The following SOAT2 variants were observed in gnomAD, a reference collection of about 807,000 sequenced individuals.
The protein encoded by SOAT2 is sterol O-acyltransferase 2, also known as ACAT-2.
A neutral mutation model predicts 76.0 loss-of-function variants in SOAT2; 87 were observed. That is an observed-to-expected ratio of 1.14 (90% CI 0.96 to 1.37). SOAT2 has a LOEUF of 1.37. Among genes scored for constraint, SOAT2 ranks in the 40% most tolerant of loss-of-function variants. The pLI is 0.00. For synonymous variants in SOAT2, 285 were observed against 275.4 expected, an observed-to-expected ratio of 1.03 and a Z score of -0.34; for missense variants, 686 against 682.1, an observed-to-expected ratio of 1.01 and a Z score of -0.06.
chr12:53,118,468 G>T, intron 8 of SOAT2, 34 bp downstream of exon 8: 3 of 1,525,622 alleles, frequency 2.0e-6, no homozygotes, highest in Non-Finnish European at 2.7e-6. Context: ...AAATGCCCAG[G>T]CCCATCAGGA....
At chr12:53,122,154 C>T (rs1319391698) in intron 12 of SOAT2, among the ~76,000 whole-genome samples, 1 of 150,440 alleles carries the variant, frequency 6.6e-6, no homozygotes, top group African/African-American at 2.4e-5. Context: ...CCTCAGATCC[C>T]ATATTCTTTC....
Position 53,118,965 on chromosome 12 carries a change from G to A in SOAT2, c.909+30G>A, listed in dbSNP as rs924428067. 1.9e-6 allele frequency: 3 copies of A among 1,613,612 alleles called. No homozygotes were observed. The African/African-American group carries it at 4.0e-5, about 22-fold the overall frequency. On this transcript the variant is annotated intron_variant, in intron 9 of 14. Transcript: ENST00000301466. ...GAAGATAGGGTAGAAGGGTGGACCT[G>A]TGACTCATGGTGGTGGAGAGGGGAC... is the stretch of plus-strand genomic sequence containing the variant.
chr12:53,118,265 A>G (rs1938135204), intron 7 of SOAT2, 85 bp from the exon 8 acceptor site: 2 of 283,676 alleles, frequency 7.1e-6, no homozygotes, highest in Admixed American at 8.1e-5. Context: ...TCCACTCACC[A>G]ATCCCACCAC....
chr12:53,109,020 C>T (rs1489785021), intron 5 of SOAT2, among the ~76,000 whole-genome samples: 2 of 152,108 alleles, frequency 1.3e-5, no homozygotes, highest in African/African-American at 4.8e-5. Flanking sequence ...GGGTGGATCA[C>T]GAGGTCAGGA....
intron 13 of SOAT2, 71 bp downstream of exon 13, chr12:53,123,287 C>A: frequency 6.3e-7 from 1 of 1,589,278 alleles, no homozygotes; most frequent in East Asian, 2.2e-5. Flanking sequence ...CTGCAGATCC[C>A]AGACTGATGG....
chr12:53,116,812 G>C (rs1322652011), intron 7 of SOAT2, among the ~76,000 whole-genome samples: 1 of 151,576 alleles, frequency 6.6e-6, no homozygotes, highest in Non-Finnish European at 1.5e-5. Flanking sequence ...AGGCTGCAGT[G>C]AGCCATGACT....
At chr12:53,120,744 G>A in intron 10 of SOAT2, 42 bp from the exon 11 acceptor site, 2 of 1,482,796 alleles carry the variant, frequency 1.3e-6, no homozygotes, top group Non-Finnish European at 1.9e-6. Context: ...GTGGGTCCAT[G>A]TGGGCCAGCC....
chr12:53,105,085 C>T, intron 2 of SOAT2, 22 bp from the exon 3 acceptor site: 1 of 1,552,486 alleles, frequency 6.4e-7, no homozygotes, highest in East Asian at 2.4e-5. Flanking sequence ...ACAGTGGGCT[C>T]TACCCTGGCT....
chr12:53,122,982 C>A, intron 12 of SOAT2, 99 bp from the exon 13 acceptor site: 1 of 1,336,866 alleles, frequency 7.5e-7, no homozygotes, highest in Non-Finnish European at 9.8e-7. Context: ...CACCTCCCTG[C>A]CGGACTGGGC....
Position 53,120,839 on chromosome 12 carries a change from G to C in SOAT2, c.1093G>C (p.Ala365Pro), listed in dbSNP as rs1037662136. 5.6e-6 allele frequency: 9 copies of C among 1,613,930 alleles called. No homozygotes were observed. Among genetic ancestry groups the C allele is most frequent in the Admixed American group, 1.7e-5 (1 of 59,986 alleles). The change falls in exon 11 of 15, where the codon GCC becomes CCC. Residue 365 changes from alanine (A) to proline (P), a missense_variant. Ala to Pro is a conservative substitution (Grantham distance 27). Coordinates refer to ENST00000301466, the MANE Select transcript of SOAT2 (RefSeq NM_003578.4). Reference protein sequence around the residue: ...FFAFLHCWLNAFAEMLRFGDR... With the variant: ...FFAFLHCWLNPFAEMLRFGDR... ...TGCCTTCCTCCATTGCTGGCTCAAC[G>C]CCTTTGCCGAGATGCTACGATTTGG...
intron 7 of SOAT2, among the ~76,000 whole-genome samples, chr12:53,116,960 T>C (rs571244919): frequency 8.3e-5 from 6 of 72,152 alleles, no homozygotes; most frequent in African/African-American, 3.6e-4. Flanking sequence ...CAATTTCAAA[T>C]TTTTTTTTTT....
chr12:53,114,921 G>A (rs1938078892), intron 5 of SOAT2, among the ~76,000 whole-genome samples: 1 of 152,160 alleles, frequency 6.6e-6, no homozygotes, highest in South Asian at 2.1e-4. Context: ...AGAATATGGA[G>A]GTGCCAGATT....
chr12:53,113,556 C>A (rs1938056565), intron 5 of SOAT2, among the ~76,000 whole-genome samples: 1 of 152,176 alleles, frequency 6.6e-6, no homozygotes, highest in Non-Finnish European at 1.5e-5. Flanking sequence ...CCAGGTCAAA[C>A]TGAAGGTTGG....
chr12:53,115,916 C>T (rs80019583), intron 6 of SOAT2, among the ~76,000 whole-genome samples, 181 bp from the exon 7 acceptor site: 1 of 152,302 alleles, frequency 6.6e-6, no homozygotes, highest in Non-Finnish European at 1.5e-5. Flanking sequence ...TCCTAGCAGC[C>T]TTCATTCATC....
At chr12:53,116,274 T>G in intron 7 of SOAT2, 108 bp downstream of exon 7, 1 of 985,862 alleles carries the variant, frequency 1.0e-6, no homozygotes, top group Non-Finnish European at 1.6e-6. Flanking sequence ...AAGCCCGGGT[T>G]GCCCACCAGG....
intron 5 of SOAT2, among the ~76,000 whole-genome samples, chr12:53,110,265 T>C (rs1022218456): frequency 2.6e-5 from 4 of 152,180 alleles, no homozygotes; most frequent in Non-Finnish European, 5.9e-5. Flanking sequence ...CTTGGTAAGT[T>C]TGGGATTTTA....
chr12:53,124,185 G>A lies in SOAT2; in HGVS notation c.*62G>A. On this transcript the variant is annotated 3_prime_UTR_variant, in exon 15 of 15. Coordinates refer to ENST00000301466, the MANE Select transcript of SOAT2 (RefSeq NM_003578.4). ...CCAAGTTCTCTGCCTGCAAAACCTG[G>A]GACCAGGACTCCTGTCTGCATTCCC... The A allele has an allele frequency of 6.3e-7, 1 of 1,580,418 alleles. No individual in the cohort carries two copies. The highest frequency in any genetic ancestry group is 8.7e-7 in the Non-Finnish European group (1 of 1,149,720).
intron 5 of SOAT2, among the ~76,000 whole-genome samples, chr12:53,113,506 C>T (rs1938055672): frequency 6.6e-6 from 1 of 152,214 alleles, no homozygotes; most frequent in Admixed American, 6.5e-5. Flanking sequence ...GAACACAGCA[C>T]CATCCCGGTC....
chr12:53,105,427 C>T lies in SOAT2; in HGVS notation c.276-134C>T, dbSNP rs1937920047. The T allele has an allele frequency of 3.4e-6, 4 of 1,186,492 alleles. No individual in the cohort carries two copies. The Admixed American group carries it at 6.6e-5, about 19-fold the overall frequency. 73.5% of individuals were successfully genotyped at this position (1,186,492 alleles called of 1,614,324 possible). On this transcript the variant is annotated intron_variant, in intron 3 of 14. Transcript: ENST00000301466. ...GCTCTGCCCTGGCCCTGACCTTCTACCCGGTCCTGCCCTCTGGCCCTAGCC... is the reference window on the plus strand; with the variant it reads ...GCTCTGCCCTGGCCCTGACCTTCTATCCGGTCCTGCCCTCTGGCCCTAGCC...
Sources: allele counts gnomAD v4.1 joint callset (sites outside exome capture counted in the v4.1 genomes callset), GRCh38; gene constraint gnomAD v4.1.1; transcripts MANE v1.5; gene names NCBI Gene and HGNC (gene_info 2026-07-23, HGNC 2026-07-21).